IARS1: variants seen among roughly 807,000 people sequenced by gnomAD.
IARS1 encodes the protein isoleucine--tRNA ligase, cytoplasmic.
A neutral mutation model predicts 168.2 loss-of-function variants in IARS1; 124 were observed. That is an observed-to-expected ratio of 0.74 (90% confidence interval 0.64 to 0.86). The LOEUF (loss-of-function observed/expected upper bound fraction) is 0.86. Among genes scored for constraint, IARS1 ranks in the 40% least tolerant of loss-of-function variants. The probability of loss-of-function intolerance (pLI) is 0.00; values close to 1 mark genes in which losing one functional copy is unlikely to be tolerated. For missense variants in IARS1, 1,452 were observed against 1,515.8 expected, an observed-to-expected ratio of 0.96 and a Z score of 0.70; for synonymous variants, 532 against 529.4, an observed-to-expected ratio of 1.00 and a Z score of -0.07.
At chr9:92,250,114 A>G (rs983345987) in intron 24 of IARS1, 73 bp downstream of exon 24, 5 of 1,051,950 alleles carry the variant, frequency 4.8e-6, no homozygotes, top group Non-Finnish European at 7.4e-6. Context: ...GAAGCTCTCT[A>G]TATTAAAAAA....
Position 92,280,705 on chromosome 9 carries a change from T to A in IARS1, c.745+41A>T, listed in dbSNP as rs780960459. 3 of 1,377,346 alleles carry A rather than the reference T, an allele frequency of 2.2e-6. No individual in the cohort carries two copies. In the African/African-American group the frequency reaches 4.4e-5, roughly 20 times the overall value. 85.3% of individuals were successfully genotyped at this position (1,377,346 alleles called of 1,614,324 possible). A position where few individuals can be genotyped will look rare whatever the true frequency, so the allele number is the denominator to read the frequency against. ...TCATATTTTCCAAAATATAAAATTA[T>A]CTTATCCATATTAATCATAAGTAAC... On this transcript the variant is annotated intron_variant, in intron 7 of 33. Coordinates refer to ENST00000443024, the MANE Select transcript of IARS1 (RefSeq NM_002161.6).
intron 17 of IARS1, among the ~76,000 whole-genome samples, chr9:92,260,971 T>C (rs1030464765): frequency 2.6e-5 from 4 of 152,084 alleles, no homozygotes; most frequent in African/African-American, 9.7e-5. Context: ...GAAGGAACTA[T>C]TGGTAGGTGC....
intron 31 of IARS1, among the ~76,000 whole-genome samples, chr9:92,228,094 G>C (rs1202998639): frequency 2.0e-5 from 3 of 152,200 alleles, no homozygotes; most frequent in Non-Finnish European, 2.9e-5. Context: ...GGCACCTCAG[G>C]AGGCCAAGGC....
chr9:92,243,140 C>T, intron 28 of IARS1, 76 bp downstream of exon 28: 1 of 959,148 alleles, frequency 1.0e-6, no homozygotes, highest in South Asian at 1.4e-5. Flanking sequence ...ATATTACCTG[C>T]CTCTCCTATC....
At chr9:92,229,354 ACAC>A (rs1336072210) in intron 30 of IARS1, among the ~76,000 whole-genome samples, 1 of 98,096 alleles carries the variant, frequency 1.0e-5, no homozygotes, top group Admixed American at 9.5e-5. Flanking sequence ...TGCAATATAT[ACAC>A]TACACACACA....
chr9:92,272,572 G>A (rs903384606), intron 10 of IARS1, among the ~76,000 whole-genome samples: 44 of 152,154 alleles, frequency 2.9e-4, no homozygotes, highest in African/African-American at 9.4e-4. Context: ...TACCAAGGCC[G>A]GGTGCAGTGG....
chr9:92,229,267 A>G, intron 30 of IARS1, 141 bp from the exon 31 acceptor site: 1 of 659,302 alleles, frequency 1.5e-6, no homozygotes, highest in South Asian at 2.1e-5. Context: ...ATATATGTGT[A>G]TATATAGCTT....
chr9:92,285,726 T>C lies in IARS1; in HGVS notation c.593A>G (p.Tyr198Cys), dbSNP rs993406339. 6.3e-7 allele frequency: 1 copy of C among 1,584,584 alleles called. No individual in the cohort carries two copies. The highest frequency in any genetic ancestry group is 1.3e-5 in the African/African-American group (1 of 74,458). Residue 198 changes from tyrosine to cysteine, a missense_variant, in exon 6 of 34, where the codon TAT (tyrosine) becomes TGT (cysteine). Tyr to Cys is a radical substitution (Grantham distance 194, BLOSUM62 -2). Transcript: ENST00000443024. ...PLSNFESHQN[Y>C]KDVQDPSVFV... ...ATGTCTCTACATTTCACGTACCTTA[T>C]AATTCTGGTGTGACTCGAAGTTGGA... is the stretch of plus-strand genomic sequence containing the variant.
At chr9:92,233,136 G>A (rs147722701) in intron 30 of IARS1, among the ~76,000 whole-genome samples, 14 of 152,318 alleles carry the variant, frequency 9.2e-5, no homozygotes, top group South Asian at 4.1e-4. Flanking sequence ...GGGAAGCGCT[G>A]TCAAATAAGA....
chr9:92,250,674 C>A, intron 23 of IARS1, 39 bp downstream of exon 23: 1 of 1,518,770 alleles, frequency 6.6e-7, no homozygotes, highest in Non-Finnish European at 9.0e-7. Context: ...ACTCTCCCCT[C>A]CTTGGCACAG....
Position 92,229,094 on chromosome 9 carries a change from C to G in IARS1, c.3316G>C (p.Asp1106His). 1 of 1,613,944 alleles carries G rather than the reference C, an allele frequency of 6.2e-7. No homozygotes were observed. Among genetic ancestry groups the G allele is most frequent in the Non-Finnish European group, 8.5e-7 (1 of 1,179,940 alleles). ...GVLLLENPKG[D>H]NRLDLLKLKS... ...AGCTTTAAAAGGTCCAACCTATTGTCACCTTTTGGATTTTCCAGGAGCAAT... is the reference window on the plus strand; with the variant it reads ...AGCTTTAAAAGGTCCAACCTATTGTGACCTTTTGGATTTTCCAGGAGCAAT... Residue 1106 changes from aspartate (D) to histidine (H), a missense_variant, in exon 31 of 34, where the codon GAC (aspartate) becomes CAC (histidine). Physicochemically the swap from Asp to His is moderately conservative, Grantham distance 81. Coordinates refer to ENST00000443024, the MANE Select transcript of IARS1 (RefSeq NM_002161.6).
At chr9:92,238,354 A>G (rs1046741742) in intron 30 of IARS1, among the ~76,000 whole-genome samples, 1 of 152,214 alleles carries the variant, frequency 6.6e-6, no homozygotes, top group African/African-American at 2.4e-5. Context: ...CCGATCCCTC[A>G]TGAATGGCTT....
Position 92,287,815 on chromosome 9 carries a change from C to G in IARS1, c.372G>C (p.Val124=). 6.2e-7 allele frequency: 1 copy of G among 1,613,358 alleles called. No homozygotes were observed. Among genetic ancestry groups the G allele is most frequent in the Non-Finnish European group, 8.5e-7 (1 of 1,179,742 alleles). ...CCTTCCACTCAGCAGAATATCTCAT[C>G]ACAATTGCTCGGCACTGATTGTTAT... ...TEYNNQCRAI[V]MRYSAEWKST... is the part of the protein sequence containing the mutation. Residue 124 remains valine, a synonymous_variant, in exon 4 of 34, where the codon GTG becomes GTC. Coordinates refer to ENST00000443024, the MANE Select transcript of IARS1 (RefSeq NM_002161.6).
chr9:92,267,644 C>G (rs1023490015), intron 14 of IARS1, among the ~76,000 whole-genome samples: 1 of 152,088 alleles, frequency 6.6e-6, no homozygotes, highest in African/African-American at 2.4e-5. Flanking sequence ...CATGTGGGAG[C>G]CATCACACCC....
At chr9:92,262,145 G>T (rs1320780575) in intron 17 of IARS1, among the ~76,000 whole-genome samples, 1 of 151,470 alleles carries the variant, frequency 6.6e-6, no homozygotes, top group Non-Finnish European at 1.5e-5. Flanking sequence ...CCACTCATTT[G>T]CTGTGTGTCC....
At chr9:92,249,031 GATATATGC>G (rs1221333607) in intron 25 of IARS1, among the ~76,000 whole-genome samples, 3 of 152,080 alleles carry the variant, frequency 2.0e-5, no homozygotes, top group Non-Finnish European at 2.9e-5. Flanking sequence ...TCCATACACT[GATATATGC>G]ATATATGTAC....
At chr9:92,216,184 A>T (rs372719538) in intron 33 of IARS1, among the ~76,000 whole-genome samples, 18 of 150,962 alleles carry the variant, frequency 1.2e-4, no homozygotes, top group Middle Eastern at 3.2e-3. Flanking sequence ...GCTTCATAAG[A>T]GAAGGAGAAA....
chr9:92,278,260 A>G lies in IARS1; in HGVS notation c.772T>C (p.Leu258=). The change falls in exon 8 of 34, where the codon TTA becomes CTA. Residue 258 remains leucine (L), a synonymous_variant. Coordinates refer to ENST00000443024, the MANE Select transcript of IARS1 (RefSeq NM_002161.6). ...AGGGCTGACAATCTGGCTTCCATTA[A>G]AATGAGTAATCGTCCTCTGGCAACA... ...KDVARGRLLI[L]MEARLSALYK... is the part of the protein sequence containing the mutation. The G allele has an allele frequency of 6.2e-7, 1 of 1,612,654 alleles. No individual in the cohort carries two copies.
rs1831322317 is a variant in IARS1, at chr9:92,260,198, A to G, written c.1824T>C (p.Tyr608=). The G allele has an allele frequency of 4.3e-6, 7 of 1,614,176 alleles. No individual in the cohort carries two copies. Among genetic ancestry groups the G allele is most frequent in the Middle Eastern group, 3.3e-4 (2 of 6,062 alleles). ...GQKMSKRKKN[Y]PDPVSIIQKY... is the part of the protein sequence containing the mutation. ...TCTGGATGATGGAAACTGGATCTGG[A>G]TAATTCTTTTTCCGTTTGCTCATTT... is the stretch of plus-strand genomic sequence containing the variant. Residue 608 remains tyrosine, a synonymous_variant, in exon 18 of 34, where the codon TAT becomes TAC. Coordinates refer to ENST00000443024, the MANE Select transcript of IARS1 (RefSeq NM_002161.6).
Sources: gnomAD v4.1 joint callset for allele counts (sites outside exome capture counted in the v4.1 genomes callset) on GRCh38, gnomAD v4.1.1 for gene constraint, MANE v1.5 for transcripts, NCBI Gene and HGNC (gene_info 2026-07-23, HGNC 2026-07-21) for gene names.